Variants in PLXND1 observed in about 807,000 individuals in gnomAD.
PLXND1 encodes plexin D1, also known as plexin-D1.
PLXND1 carries 54 observed loss-of-function variants against 197.7 expected under a neutral mutation model. That is an observed-to-expected ratio of 0.27 (90% CI 0.22 to 0.34). The LOEUF is 0.34. Ranked by LOEUF, PLXND1 falls within the 10% of genes least tolerant of loss-of-function variation. The probability of loss-of-function intolerance (pLI) is 1.00; values close to 1 mark genes in which losing one functional copy is unlikely to be tolerated. For missense variants in PLXND1, 2,127 were observed against 2,699.2 expected, an observed-to-expected ratio of 0.79 and a Z score of 4.70; for synonymous variants, 1,180 against 1,161.2, an observed-to-expected ratio of 1.02 and a Z score of -0.33.
chr3:129,562,595 C>A, intron 27 of PLXND1, 192 bp downstream of exon 27: 1 of 503,860 alleles, frequency 2.0e-6, no homozygotes. Context: ...TGCTGTTGTC[C>A]GTAGTTCACT....
intron 2 of PLXND1, among the ~76,000 whole-genome samples, chr3:129,588,503 T>C (rs147993276): frequency 1.3e-5 from 2 of 152,278 alleles, no homozygotes; most frequent in African/African-American, 2.4e-5. Flanking sequence ...ACGAGCCCCA[T>C]TGACGAGCCC....
intron 19 of PLXND1, 38 bp from the exon 20 acceptor site, chr3:129,569,995 G>A: frequency 8.6e-7 from 1 of 1,159,726 alleles, no homozygotes. Context: ...TAGCTTTCCT[G>A]GACTTATACT....
Position 129,567,774 on chromosome 3 carries a change from A to G in PLXND1, c.3897T>C (p.Arg1299=). The change falls in exon 21 of 36, where the codon CGT becomes CGC. Residue 1299 remains arginine (R), a synonymous_variant. Transcript: ENST00000324093. ...ALFVFCTKSR[R]AERYWQKTLL... is the part of the protein sequence containing the mutation. ...GCGTCTTCTGCCAGTAACGCTCAGC[A>G]CGTCGGCTCTTGGTACAGAAGACGA... The G allele has an allele frequency of 6.2e-7, 1 of 1,613,242 alleles. No individual in the cohort carries two copies.
rs1460935504 is a variant in PLXND1 at position 129,584,133 on chromosome 3, G to C, written c.2130C>G (p.Pro710=). The change falls in exon 7 of 36, where the codon CCC becomes CCG. Residue 710 remains proline (P), a synonymous_variant. Transcript: ENST00000324093. ...CCACCCAAGCCACTCACGCTGTGTG[G>C]GGGTACACTTGTGCAGTGCGGCTGC... ...YDCSRTAQVY[P]HTACTSCLSA... The C allele has an allele frequency of 6.4e-7, 1 of 1,558,506 alleles. No homozygotes were observed. The highest frequency in any genetic ancestry group is 1.9e-5 in the Admixed American group (1 of 51,808).
chr3:129,572,848 G>T lies in PLXND1; in HGVS notation c.2931C>A (p.Ser977=), dbSNP rs1180408758. The T allele has an allele frequency of 1.9e-6, 3 of 1,613,594 alleles. No homozygotes were observed. The Admixed American group carries it at 5.0e-5, about 27-fold the overall frequency. Residue 977 remains serine, a synonymous_variant, in exon 14 of 36, where the codon TCC becomes TCA. Coordinates refer to ENST00000324093, the MANE Select transcript of PLXND1 (RefSeq NM_015103.3). The stretch of plus-strand genomic sequence containing the variant: ...GGCTGCAGCCCCCCCTTACCACGTA[G>T]GAGAAGCGGTCCCGGGACTTGCCCT... ...SKEGKSRDRF[S]YVLPLVHSLE... is the part of the protein sequence containing the mutation.
intron 21 of PLXND1, 37 bp from the exon 22 acceptor site, chr3:129,567,641 ACCCATC>A (rs1398443581): frequency 1.3e-6 from 2 of 1,582,164 alleles, no homozygotes; most frequent in Non-Finnish European, 1.7e-6. Flanking sequence ...CGGCCCGAGA[ACCCATC>A]CCCTAGGAGG....
chr3:129,578,284 G>T, intron 9 of PLXND1, 45 bp downstream of exon 9: 1 of 1,248,686 alleles, frequency 8.0e-7, no homozygotes, highest in Middle Eastern at 2.2e-4. Context: ...CGTGCTCCCC[G>T]GCCTCCTCCT....
intron 1 of PLXND1, chr3:129,591,286 A>G (rs2108796933): frequency 6.6e-6 from 1 of 152,386 alleles, no homozygotes; most frequent in South Asian, 2.1e-4. Flanking sequence ...TAAAATGGGT[A>G]TATCCATAGT....
chr3:129,566,287 G>A, intron 23 of PLXND1: 5 of 597,024 alleles, frequency 8.4e-6, no homozygotes, highest in Non-Finnish European at 1.2e-5. Context: ...GGTTGAGTGG[G>A]GTGTACAGGG....
intron 25 of PLXND1, 22 bp from the exon 26 acceptor site, chr3:129,563,262 G>C: frequency 6.3e-7 from 1 of 1,591,624 alleles, no homozygotes; most frequent in African/African-American, 1.3e-5. Context: ...GGGGGTATCA[G>C]GGCCAAGGCC....
intron 8 of PLXND1, 129 bp from the exon 9 acceptor site, chr3:129,578,562 T>A: frequency 1.6e-6 from 1 of 623,014 alleles, no homozygotes; most frequent in South Asian, 1.9e-5. Context: ...CATTCAGTCC[T>A]AACGGCCACC....
intron 9 of PLXND1, 88 bp from the exon 10 acceptor site, chr3:129,575,943 C>A: frequency 2.6e-6 from 2 of 781,856 alleles, no homozygotes; most frequent in Non-Finnish European, 4.5e-6. Context: ...ACCACGGGCT[C>A]CTGCTGGGAA....
Position 129,589,339 on chromosome 3 carries a change from A to G in PLXND1, c.1488+12T>C. 1 of 449,660 alleles carries G rather than the reference A, an allele frequency of 2.2e-6. No individual in the cohort carries two copies. The highest frequency in any genetic ancestry group is 3.4e-6 in the Non-Finnish European group (1 of 290,418). 27.9% of individuals were successfully genotyped at this position (449,660 alleles called of 1,614,324 possible). The stretch of plus-strand genomic sequence containing the variant: ...ACCCCCACCCCCTCCCCACATCCCC[A>G]ACCATACCTACCTTGAGAAGCCTCC... On this transcript the variant is annotated intron_variant, in intron 2 of 35. Coordinates refer to ENST00000324093, the MANE Select transcript of PLXND1 (RefSeq NM_015103.3).
In PLXND1 at chr3:129,571,681, C is replaced by T; in HGVS notation, c.3241G>A (p.Val1081Ile). The stretch of plus-strand genomic sequence containing the variant: ...AGGGCGGGGTGCCAGTCTCACCTGA[C>T]AGGGCTGCGGCGGGGACTGATGGCC... ...ITAISPRRSP[V>I]SGGRTITVAG... Residue 1081 changes from valine (V) to isoleucine (I), a missense_variant, in exon 16 of 36, where the codon GTC (valine) becomes ATC (isoleucine). Physicochemically the swap from Val to Ile is conservative, Grantham distance 29. Around this residue, in one of 6 missense-constraint regions of PLXND1, gnomAD observed 532 missense variants for 811.0 expected, o/e 0.66. Coordinates refer to ENST00000324093, the MANE Select transcript of PLXND1 (RefSeq NM_015103.3). The T allele has an allele frequency of 6.2e-7, 1 of 1,614,014 alleles. No individual in the cohort carries two copies. The highest frequency in any genetic ancestry group is 8.5e-7 in the Non-Finnish European group (1 of 1,179,990).
Position 129,570,944 on chromosome 3 carries a change from G to A in PLXND1, c.3601-9C>T. ...AGGCTGTCCTGCTCCTTCTGTGGGT[G>A]CAAAGGGGGAGGATGCTCATGGGGA... On this transcript the variant is annotated splice_polypyrimidine_tract_variant and intron_variant, in intron 18 of 35. Transcript: ENST00000324093. 1 of 1,614,194 alleles carries A rather than the reference G, an allele frequency of 6.2e-7. No individual in the cohort carries two copies. The highest frequency in any genetic ancestry group is 8.5e-7 in the Non-Finnish European group (1 of 1,180,010).
At position 129,606,580 on chromosome 3, in the gene PLXND1, G is replaced by A. The variant is rs1387863979; in HGVS notation, c.60C>T (p.Pro20=). The A allele has an allele frequency of 8.1e-7, 1 of 1,227,786 alleles. No individual in the cohort carries two copies. The highest frequency in any genetic ancestry group is 1.0e-6 in the Non-Finnish European group (1 of 985,686). 76.1% of individuals were successfully genotyped at this position (1,227,786 alleles called of 1,614,324 possible). The stretch of plus-strand genomic sequence containing the variant: ...ACCGCGGCGGCGTCTGGAACGGCGG[G>A]GGGCTGGCGGCGGCGGCCCGGGCGC... ...PLSARAAAAS[P]PPFQTPPRCP... is the part of the protein sequence containing the mutation. Residue 20 remains proline (P), a synonymous_variant, in exon 1 of 36, where the codon CCC becomes CCT. Coordinates refer to ENST00000324093, the MANE Select transcript of PLXND1 (RefSeq NM_015103.3).
intron 19 of PLXND1, among the ~76,000 whole-genome samples, chr3:129,570,494 C>G (rs759145605): frequency 1.3e-5 from 2 of 152,204 alleles, no homozygotes; most frequent in South Asian, 2.1e-4. Flanking sequence ...CTACATGGTG[C>G]CTGGCAGCCC....
In PLXND1 at chr3:129,557,575, T is replaced by G. The variant is rs1398939677; in HGVS notation, c.5446-352A>C. Among the ~76,000 whole-genome samples, 4 of 152,158 alleles carry G rather than the reference T, an allele frequency of 2.6e-5. No homozygotes were observed. Among genetic ancestry groups the G allele is most frequent in the Non-Finnish European group, 4.4e-5 (3 of 68,018 alleles). ...TGTGTCCTTCTCAGGGTGATAGGTC[T>G]TGGTGGCTAGGATTCCTGGAAGCCT... On this transcript the variant is annotated intron_variant, in intron 33 of 35. Coordinates refer to ENST00000324093, the MANE Select transcript of PLXND1 (RefSeq NM_015103.3). The surrounding 1 kb of genome is among the most constrained non-coding windows in gnomAD (Gnocchi z 4.8).
At position 129,572,611 on chromosome 3, in the gene PLXND1, C is replaced by G. The variant is rs780491127; in HGVS notation, c.3075G>C (p.Leu1025=). The G allele has an allele frequency of 3.3e-6, 5 of 1,530,126 alleles. No homozygotes were observed. The East Asian group carries it at 1.1e-4, about 35-fold the overall frequency. 94.8% of individuals were successfully genotyped at this position (1,530,126 alleles called of 1,614,324 possible). ...LVNDTDPCTE[L]MRTDTSIACT... ...ATGGGCCAGGCCCAGAGGCTTACAT[C>G]AGCTCCGTGCAGGGGTCTGTGTCGT... The change falls in exon 15 of 36, where the codon CTG becomes CTC. Residue 1025 remains leucine, a splice_region_variant and synonymous_variant. Transcript: ENST00000324093.
Sources: gnomAD v4.1 joint callset for allele counts (sites outside exome capture counted in the v4.1 genomes callset) on GRCh38, gnomAD v4.1.1 for gene constraint, gnomAD v4.1.1 regional missense constraint, Gnocchi (gnomAD v3.1) non-coding constraint, MANE v1.5 for transcripts, NCBI Gene and HGNC (gene_info 2026-07-23, HGNC 2026-07-21) for gene names.